Variants in AATK observed in about 807,000 individuals in gnomAD.
The protein encoded by AATK is serine/threonine-protein kinase LMTK1.
In AATK, 91 loss-of-function variants were observed where a neutral mutation model predicts 114.3. The observed-to-expected ratio is 0.80, with a 90% confidence interval of 0.67 to 0.95. The LOEUF is 0.95. AATK is among the 40% of genes least tolerant of loss of function. The probability of loss-of-function intolerance (pLI) is 0.00; values close to 1 mark genes in which losing one functional copy is unlikely to be tolerated. For synonymous variants in AATK, 1,075 were observed against 916.5 expected (o/e 1.17, Z -3.12); for missense variants, 2,176 against 1,965.2 (o/e 1.11, Z -2.03).
chr17:81,125,038 G>C, intron 7 of AATK, 24 bp from the exon 8 acceptor site: 1 of 1,368,926 alleles, frequency 7.3e-7, no homozygotes, highest in Non-Finnish European at 9.9e-7. Context: ...CAGGGGCAGG[G>C]GCAGGGTGAG....
Position 81,120,438 on chromosome 17 carries a change from C to T in AATK, c.3498G>A (p.Glu1166=). Residue 1166 remains glutamate, a synonymous_variant, in exon 11 of 14, where the codon GAG becomes GAA. Coordinates refer to ENST00000326724, the MANE Select transcript of AATK (RefSeq NM_001080395.3). ...GRPEEEEEDS[E]DSDESDEELR... ...GCTCCTCGTCAGACTCGTCGCTGTCCTCACTGTCCTCCTCCTCCTCCTCCG... is the reference window on the plus strand; with the variant it reads ...GCTCCTCGTCAGACTCGTCGCTGTCTTCACTGTCCTCCTCCTCCTCCTCCG... 6.4e-7 allele frequency: 1 copy of T among 1,571,994 alleles called. No homozygotes were observed.
intron 1 of AATK, among the ~76,000 whole-genome samples, chr17:81,163,842 C>T (rs1209180233): frequency 6.6e-6 from 1 of 152,260 alleles, no homozygotes; most frequent in African/African-American, 2.4e-5. Flanking sequence ...AAGGAGCCGG[C>T]CCGGCAGCGG....
intron 1 of AATK, among the ~76,000 whole-genome samples, chr17:81,145,848 C>T (rs2061210977): frequency 6.6e-6 from 1 of 151,452 alleles, no homozygotes; most frequent in South Asian, 2.1e-4. Flanking sequence ...GTCATGACTA[C>T]ACAGAGCACA....
intron 3 of AATK, among the ~76,000 whole-genome samples, chr17:81,129,576 C>G (rs1296961030): frequency 2.0e-5 from 3 of 152,188 alleles, no homozygotes; most frequent in African/African-American, 7.2e-5. Context: ...GAAGCACATT[C>G]CTCCCCCAGA....
chr17:81,119,202 A>AGGTCTG (rs1452077385), intron 13 of AATK, among the ~76,000 whole-genome samples, 178 bp downstream of exon 13: 6,091 of 123,502 alleles, frequency 0.049, 241 homozygotes, highest in South Asian at 0.07. Flanking sequence ...GGGCCAGGCG[A>AGGTCTG]GGGCCAGGCG....
chr17:81,137,184 G>A (rs547337068), intron 1 of AATK, among the ~76,000 whole-genome samples: 1 of 151,986 alleles, frequency 6.6e-6, no homozygotes, highest in East Asian at 1.9e-4. Flanking sequence ...CTCGAACCCA[G>A]GAGGCGGAGG....
At chr17:81,159,651 G>T (rs1304556196) in intron 1 of AATK, among the ~76,000 whole-genome samples, 1 of 152,156 alleles carries the variant, frequency 6.6e-6, no homozygotes, top group Non-Finnish European at 1.5e-5. Context: ...ATTCCCAGAA[G>T]CAGAGCAGAA....
intron 1 of AATK, among the ~76,000 whole-genome samples, chr17:81,153,681 C>T (rs946800630): frequency 6.6e-6 from 1 of 152,144 alleles, no homozygotes; most frequent in Admixed American, 6.5e-5. Context: ...GAGGCCCATG[C>T]GCAATGGACC....
At chr17:81,137,390 G>A (rs576313247) in intron 1 of AATK, among the ~76,000 whole-genome samples, 22 of 152,230 alleles carry the variant, frequency 1.4e-4, no homozygotes, top group South Asian at 8.3e-4. Context: ...AGGACCCTGG[G>A]CAGAGGAGGG....
In AATK at chr17:81,140,823, GCCGGGAGA is replaced by G. The variant is rs1402199281; in HGVS notation, c.56-6330_56-6323del. On this transcript the variant is annotated intron_variant, in intron 1 of 13. Coordinates refer to ENST00000326724, the MANE Select transcript of AATK (RefSeq NM_001080395.3). ...AGACCGTGGGGCTGTGAGCCGTGGG[GCCGGGAGA>G]CCGTGGGGCCGTGAGCCGTGGGGCT... Among the ~76,000 whole-genome samples, 10 of 123,586 alleles carry G rather than the reference GCCGGGAGA, an allele frequency of 8.1e-5. 1 individual carries two copies. Among genetic ancestry groups the G allele is most frequent in the African/African-American group, 3.2e-4 (10 of 30,908 alleles). 81.1% of individuals were successfully genotyped at this position (123,586 alleles called of 152,430 possible). A position where few individuals can be genotyped will look rare whatever the true frequency, so the allele number is the denominator to read the frequency against.
At chr17:81,119,148 G>A (rs1381764212) in intron 13 of AATK, among the ~76,000 whole-genome samples, 4 of 16,024 alleles carry the variant, frequency 2.5e-4, no homozygotes, top group Non-Finnish European at 4.8e-4. Context: ...GGCCAGGTGA[G>A]GGTCAGGTGA....
At chr17:81,119,637 CCGCTCCCACAGTCACGGGCCCA>C (rs2060664500) in intron 12 of AATK, 57 bp from the exon 13 acceptor site, 3 of 1,331,494 alleles carry the variant, frequency 2.3e-6, no homozygotes, top group African/African-American at 1.7e-5. Context: ...CGGCCCGGCC[CCGCTCCCACAGTCACGGGCCCA>C]GGCCCCGCCT....
chr17:81,150,341 C>A (rs889385131), intron 1 of AATK, among the ~76,000 whole-genome samples: 2 of 151,854 alleles, frequency 1.3e-5, no homozygotes, highest in African/African-American at 4.8e-5. Context: ...GCGCCCCACT[C>A]CCACATTCTA....
At chr17:81,143,718 C>T (rs963049110) in intron 1 of AATK, among the ~76,000 whole-genome samples, 4 of 152,218 alleles carry the variant, frequency 2.6e-5, no homozygotes, top group South Asian at 2.1e-4. Flanking sequence ...AGGGGCCCCA[C>T]GGTGGGTGGC....
Position 81,128,352 on chromosome 17 carries a change from CCA to C in AATK, c.414+116_414+117del, listed in dbSNP as rs951262165. 5 of 1,280,876 alleles carry C rather than the reference CCA, an allele frequency of 3.9e-6. No homozygotes were observed. In the African/African-American group the frequency reaches 7.4e-5, roughly 19 times the overall value. 79.3% of individuals were successfully genotyped at this position (1,280,876 alleles called of 1,614,324 possible). ...TCCCTGGGGAAGGGTCCAGCAGGGC[CCA>C]GAGACTGAAGAAGGGACCGTCGGGG... is the stretch of plus-strand genomic sequence containing the variant. On this transcript the variant is annotated intron_variant, in intron 4 of 13. Coordinates refer to ENST00000326724, the MANE Select transcript of AATK (RefSeq NM_001080395.3).
chr17:81,124,865 G>A lies in AATK; in HGVS notation c.841-17C>T, dbSNP rs550249806. 7.5e-6 allele frequency: 12 copies of A among 1,597,598 alleles called. No individual in the cohort carries two copies. The highest frequency in any genetic ancestry group is 6.8e-5 in the East Asian group (3 of 43,934). ...GTAGTCCTCCTGTTGGCACAGGGAC[G>A]GGTCACCCCTGCCGGCGCAGGCCCT... is the stretch of plus-strand genomic sequence containing the variant. On this transcript the variant is annotated splice_polypyrimidine_tract_variant and intron_variant, in intron 8 of 13. Coordinates refer to ENST00000326724, the MANE Select transcript of AATK (RefSeq NM_001080395.3).
At chr17:81,119,261 C>CGGGGGCGGGAA in intron 13 of AATK, 119 bp downstream of exon 13, 1 of 1,082,448 alleles carries the variant, frequency 9.2e-7, no homozygotes, top group South Asian at 1.8e-5. Flanking sequence ...CGGGAAGGAG[C>CGGGGGCGGGAA]GGAGCGGAGC....
Position 81,128,469 on chromosome 17 carries a change from C to A in AATK, c.414+1G>T, listed in dbSNP as rs2060882281. The A allele has an allele frequency of 1.3e-6, 2 of 1,548,786 alleles. No individual in the cohort carries two copies. Among genetic ancestry groups the A allele is most frequent in the South Asian group, 1.2e-5 (1 of 83,982 alleles). On this transcript the variant is annotated splice_donor_variant, in intron 4 of 13. Transcript: ENST00000326724. LOFTEE classifies it high-confidence loss of function. The stretch of plus-strand genomic sequence containing the variant: ...TCCTCCCTCCCAGGCGGGACACGTA[C>A]CTTCCCGAACCAGCCACGGCCGATT...
At chr17:81,143,789 C>G (rs1402906827) in intron 1 of AATK, among the ~76,000 whole-genome samples, 1 of 152,220 alleles carries the variant, frequency 6.6e-6, no homozygotes, top group African/African-American at 2.4e-5. Context: ...CACACTGCCT[C>G]TTCTGGAACC....
Sources: allele counts gnomAD v4.1 joint callset (sites outside exome capture counted in the v4.1 genomes callset), GRCh38; gene constraint gnomAD v4.1.1; transcripts MANE v1.5; gene names NCBI Gene and HGNC (gene_info 2026-07-23, HGNC 2026-07-21).